KLF15: variants seen among roughly 807,000 people sequenced by gnomAD.
KLF15 encodes Krueppel-like factor 15.
KLF15 carries 4 observed loss-of-function variants against 24.6 expected under a neutral mutation model. The observed-to-expected ratio is 0.16, with a 90% confidence interval of 0.08 to 0.37. The LOEUF is 0.37. KLF15 is among the 10% of genes least tolerant of loss of function. The pLI is 1.00. For missense variants in KLF15, 496 were observed against 560.6 expected (o/e 0.88, Z 1.16); for synonymous variants, 246 against 236.3 (o/e 1.04, Z -0.37).
the KLF15 span, among the ~76,000 whole-genome samples, chr3:126,312,285 C>T: frequency 3.9e-5 from 6 of 152,318 alleles, no homozygotes; most frequent in African/African-American, 1.4e-4. Flanking sequence ...GGGATCCTCC[C>T]ACTTCAGCCT....
At chr3:126,353,004 C>T (rs1238721238) in intron 1 of KLF15, 57 bp from the exon 2 acceptor site, 11 of 1,512,334 alleles carry the variant, frequency 7.3e-6, no homozygotes, top group East Asian at 4.6e-5. Context: ...CCTGCCACCT[C>T]GCAGGCCTCT....
the KLF15 span, among the ~76,000 whole-genome samples, chr3:126,296,342 G>T: frequency 6.6e-6 from 1 of 151,978 alleles, no homozygotes; most frequent in African/African-American, 2.4e-5. Flanking sequence ...TGAGTAGCTG[G>T]GACTACAGGC....
At chr3:126,341,472 T>C (rs7641302), downstream of KLF15, among the ~76,000 whole-genome samples, 118,428 of 152,196 alleles carry the variant, frequency 0.78, 46,287 homozygotes, top group African/African-American at 0.83. Flanking sequence ...AGAAAGCCCA[T>C]GTTAACAAGG....
chr3:126,352,395 C>T lies in KLF15; in HGVS notation c.528G>A (p.Gly176=). The change falls in exon 2 of 3, where the codon GGG becomes GGA. Residue 176 remains glycine (G), a synonymous_variant. Transcript: ENST00000296233. Reference sequence around the variant, plus strand: ...CAGGATGGAGGTGGCTCTTGTGTGGCCCAGCTGAGAGCTGGCTGCAGGCAT... The same window carrying T: ...CAGGATGGAGGTGGCTCTTGTGTGGTCCAGCTGAGAGCTGGCTGCAGGCAT... ...DLDACSQLSA[G]PHKSHLHPGS... The T allele has an allele frequency of 6.2e-7, 1 of 1,612,918 alleles. No homozygotes were observed. Among genetic ancestry groups the T allele is most frequent in the Non-Finnish European group, 8.5e-7 (1 of 1,179,642 alleles).
the KLF15 span, among the ~76,000 whole-genome samples, chr3:126,316,724 G>A: frequency 2.5e-4 from 37 of 150,576 alleles, no homozygotes; most frequent in South Asian, 4.2e-3. Flanking sequence ...TGCACGGGCC[G>A]GAGTGGTGAG....
At chr3:126,327,107 C>T in the KLF15 span, among the ~76,000 whole-genome samples, 1 of 152,164 alleles carries the variant, frequency 6.6e-6, no homozygotes. Flanking sequence ...GGTCCTAGGA[C>T]ATCGTTCAGG....
At chr3:126,323,424 T>C in the KLF15 span, among the ~76,000 whole-genome samples, 527 of 25,696 alleles carry the variant, frequency 0.021, 19 homozygotes, top group African/African-American at 0.05. Context: ...TATATATATA[T>C]ATATATATAT....
the KLF15 span, among the ~76,000 whole-genome samples, chr3:126,290,506 A>ACCTTCCTTCCTTTCTTCCTTCCTACCTT: frequency 6.9e-6 from 1 of 144,604 alleles, no homozygotes; most frequent in African/African-American, 2.6e-5. Context: ...CTTCCTTCCT[A>ACCTTCCTTCCTTTCTTCCTTCCTACCTT]CCTTCCTTCC....
At chr3:126,292,436 A>C in the KLF15 span, among the ~76,000 whole-genome samples, 2 of 152,214 alleles carry the variant, frequency 1.3e-5, no homozygotes, top group Non-Finnish European at 2.9e-5. Flanking sequence ...GCTACAGTTA[A>C]AGAAGGGAAA....
At chr3:126,293,582 G>T in the KLF15 span, among the ~76,000 whole-genome samples, 1 of 152,130 alleles carries the variant, frequency 6.6e-6, no homozygotes, top group East Asian at 1.9e-4. Flanking sequence ...TGTCAACGTC[G>T]GACTCTAAAT....
chr3:126,319,535 C>A, the KLF15 span, among the ~76,000 whole-genome samples: 1 of 152,144 alleles, frequency 6.6e-6, no homozygotes, highest in Non-Finnish European at 1.5e-5. Flanking sequence ...TGTTGAGTAT[C>A]TTTTCATATG....
chr3:126,315,425 A>G, the KLF15 span, among the ~76,000 whole-genome samples: 1 of 152,178 alleles, frequency 6.6e-6, no homozygotes. Context: ...CCTGTGCTGC[A>G]TGGTCCACCC....
At chr3:126,350,834 CCCAGGGAT>C (rs2082576510) in intron 2 of KLF15, among the ~76,000 whole-genome samples, 2 of 151,968 alleles carry the variant, frequency 1.3e-5, no homozygotes, top group African/African-American at 4.8e-5. Context: ...TGTATACACC[CCCAGGGAT>C]ACAGATGAGT....
At chr3:126,315,623 C>G in the KLF15 span, among the ~76,000 whole-genome samples, 3 of 152,190 alleles carry the variant, frequency 2.0e-5, no homozygotes, top group Non-Finnish European at 4.4e-5. Flanking sequence ...AGCACACACT[C>G]TCACAGCTCA....
chr3:126,347,357 C>T (rs759905634), intron 2 of KLF15, among the ~76,000 whole-genome samples: 1 of 152,282 alleles, frequency 6.6e-6, no homozygotes, highest in Middle Eastern at 3.4e-3. Flanking sequence ...TCAGAAAAAG[C>T]CTCAATGCAG....
intron 2 of KLF15, among the ~76,000 whole-genome samples, chr3:126,344,508 C>T (rs1326211414): frequency 6.6e-6 from 1 of 152,206 alleles, no homozygotes; most frequent in African/African-American, 2.4e-5. Context: ...GGCTTCCCTC[C>T]CACAGCCCAC....
intron 2 of KLF15, among the ~76,000 whole-genome samples, chr3:126,349,676 T>C (rs978399386): frequency 6.6e-6 from 1 of 152,160 alleles, no homozygotes; most frequent in African/African-American, 2.4e-5. Context: ...CCCATCACCC[T>C]ACCCAGCCTC....
At chr3:126,312,288 T>A in the KLF15 span, among the ~76,000 whole-genome samples, 17 of 152,282 alleles carry the variant, frequency 1.1e-4, no homozygotes, top group African/African-American at 4.1e-4. Flanking sequence ...ATCCTCCCAC[T>A]TCAGCCTCCT....
At chr3:126,326,709 G>T in the KLF15 span, among the ~76,000 whole-genome samples, 1 of 152,200 alleles carries the variant, frequency 6.6e-6, no homozygotes, top group African/African-American at 2.4e-5. Context: ...GAGCTGAGGA[G>T]TGCTGGCAGA....
Sources: allele counts gnomAD v4.1 joint callset (sites outside exome capture counted in the v4.1 genomes callset), GRCh38; gene constraint gnomAD v4.1.1; transcripts MANE v1.5; gene names NCBI Gene and HGNC (gene_info 2026-07-23, HGNC 2026-07-21).